Variants in BBS9 observed in about 807,000 individuals in gnomAD.
The protein encoded by BBS9 is Bardet-Biedl syndrome 9.
BBS9 carries 89 observed loss-of-function variants against 117.7 expected under a neutral mutation model. The observed-to-expected ratio is 0.76, with a 90% confidence interval of 0.64 to 0.90. BBS9 has a LOEUF of 0.90. Ranked by LOEUF, BBS9 falls within the 40% of genes least tolerant of loss-of-function variation. BBS9 has a pLI of 0.00. For synonymous variants in BBS9, 379 were observed against 370.9 expected (o/e 1.02, Z -0.25); for missense variants, 982 against 1,042.2 (o/e 0.94, Z 0.80).
intron 19 of BBS9, among the ~76,000 whole-genome samples, chr7:33,452,758 G>C (rs1431772149): frequency 6.6e-6 from 1 of 152,194 alleles, no homozygotes; most frequent in Non-Finnish European, 1.5e-5. Context: ...TGTAGCAACA[G>C]TGGGAAGTAA....
At chr7:33,499,215 CT>C (rs1409957047) in intron 19 of BBS9, among the ~76,000 whole-genome samples, 1 of 152,170 alleles carries the variant, frequency 6.6e-6, no homozygotes, top group Non-Finnish European at 1.5e-5. Flanking sequence ...TAGTTTAAAA[CT>C]TTTTGAATCA....
At chr7:33,574,455 A>G (rs1182283898) in intron 21 of BBS9, among the ~76,000 whole-genome samples, 1 of 152,098 alleles carries the variant, frequency 6.6e-6, no homozygotes, top group African/African-American at 2.4e-5. Context: ...GATGAGGCCC[A>G]GAGAAGCTAA....
At chr7:33,273,386 C>T (rs1257659424) in intron 8 of BBS9, among the ~76,000 whole-genome samples, 191 bp downstream of exon 8, 1 of 152,124 alleles carries the variant, frequency 6.6e-6, no homozygotes, top group Admixed American at 6.5e-5. Context: ...TTTTGTCAGT[C>T]ATTTTACTTT....
At chr7:33,347,841 AATGT>A (rs1311857452) in intron 12 of BBS9, among the ~76,000 whole-genome samples, 3 of 152,008 alleles carry the variant, frequency 2.0e-5, no homozygotes, top group African/African-American at 7.2e-5. Flanking sequence ...GAATTATGTT[AATGT>A]ATGTATCTGT....
intron 5 of BBS9, among the ~76,000 whole-genome samples, chr7:33,228,898 C>T (rs1487289820): frequency 1.3e-5 from 2 of 151,978 alleles, no homozygotes; most frequent in African/African-American, 4.8e-5. Flanking sequence ...TATAAGGGGA[C>T]CCACACAGTT....
At chr7:33,323,833 CTTTTTTTTTT>C (rs1227126451) in intron 9 of BBS9, among the ~76,000 whole-genome samples, 4 of 105,166 alleles carry the variant, frequency 3.8e-5, no homozygotes, top group African/African-American at 1.2e-4. Flanking sequence ...TCCTGTCTTC[CTTTTTTTTTT>C]TTTTTTTTTT....
intron 5 of BBS9, among the ~76,000 whole-genome samples, chr7:33,247,608 T>A (rs1038299328): frequency 6.6e-6 from 1 of 152,218 alleles, no homozygotes; most frequent in Non-Finnish European, 1.5e-5. Context: ...TTCCATAGCC[T>A]TTTAAATTAC....
At chr7:33,350,750 G>C (rs1367303699) in intron 13 of BBS9, among the ~76,000 whole-genome samples, 1 of 151,858 alleles carries the variant, frequency 6.6e-6, no homozygotes, top group Admixed American at 6.6e-5. Context: ...TTTTGTTTTT[G>C]TTTCTGTTTT....
chr7:33,601,671 A>C (rs1376984994), intron 21 of BBS9, among the ~76,000 whole-genome samples: 1 of 152,094 alleles, frequency 6.6e-6, no homozygotes, highest in Non-Finnish European at 1.5e-5. Flanking sequence ...TTACATGAGC[A>C]AGGCCAAAGA....
intron 4 of BBS9, among the ~76,000 whole-genome samples, chr7:33,161,010 G>C (rs1794756023): frequency 6.6e-6 from 1 of 152,144 alleles, no homozygotes; most frequent in African/African-American, 2.4e-5. Context: ...TGGCTCATCA[G>C]CTAGCAGAAA....
At chr7:33,203,879 C>T (rs112598342) in intron 5 of BBS9, among the ~76,000 whole-genome samples, 2,405 of 151,486 alleles carry the variant, frequency 0.016, 30 homozygotes, top group Non-Finnish European at 0.021. Context: ...TGTGACACCA[C>T]GCCCGTCTAA....
Position 33,277,333 on chromosome 7 carries a change from T to G in BBS9, c.1016+3377T>G, listed in dbSNP as rs115124379. Among the ~76,000 whole-genome samples, 1,141 of 152,262 alleles carry G rather than the reference T, an allele frequency of 7.5e-3. 19 individuals are homozygous for G. The highest frequency in any genetic ancestry group is 0.026 in the African/African-American group (1,090 of 41,524). ...TCATTCCCTAAGAAGAGCCCCATAT[T>G]TTTTATCTTGCCAACAAAGCACATC... On this transcript the variant is annotated intron_variant, in intron 9 of 22. Transcript: ENST00000242067.
At chr7:33,531,967 A>T (rs1011766506) in intron 20 of BBS9, among the ~76,000 whole-genome samples, 1 of 152,244 alleles carries the variant, frequency 6.6e-6, no homozygotes, top group Admixed American at 6.5e-5. Flanking sequence ...TCTGTGCAGC[A>T]AACATATTTC....
intron 19 of BBS9, among the ~76,000 whole-genome samples, chr7:33,489,577 AC>A (rs1017355716): frequency 2.6e-5 from 4 of 152,094 alleles, no homozygotes; most frequent in Non-Finnish European, 5.9e-5. Flanking sequence ...CTTCTGATAT[AC>A]CAGAAGTTTT....
intron 5 of BBS9, among the ~76,000 whole-genome samples, chr7:33,245,008 A>T (rs1283657733): frequency 6.6e-6 from 1 of 152,078 alleles, no homozygotes; most frequent in Non-Finnish European, 1.5e-5. Context: ...CTTGTTTTGT[A>T]TTGAAAAGAA....
intron 3 of BBS9, among the ~76,000 whole-genome samples, chr7:33,153,873 A>G (rs535827248): frequency 6.6e-6 from 1 of 152,356 alleles, no homozygotes; most frequent in South Asian, 2.1e-4. Context: ...TTAGGTTCCC[A>G]TCATGTGCCT....
At chr7:33,142,986 T>C (rs965069558) in intron 1 of BBS9, among the ~76,000 whole-genome samples, 3 of 152,124 alleles carry the variant, frequency 2.0e-5, no homozygotes, top group Admixed American at 2.0e-4. Context: ...TTTTTTTTTT[T>C]TGAGATGGAG....
rs554510381 is a variant in BBS9, at chr7:33,369,330, G to A, written c.1789+1468G>A. Among the ~76,000 whole-genome samples the A allele has an allele frequency of 3.9e-5, 6 of 152,190 alleles. No homozygotes were observed. In the South Asian group the frequency reaches 1.2e-3, roughly 32 times the overall value. ...ACCATTAAAAAAGGCAAAAATTTTT[G>A]CAAATGAATATATTTATATCCTAAT... On this transcript the variant is annotated intron_variant, in intron 17 of 22. Coordinates refer to ENST00000242067, the MANE Select transcript of BBS9 (RefSeq NM_198428.3).
At chr7:33,509,957 A>G (rs1222084525) in intron 20 of BBS9, among the ~76,000 whole-genome samples, 2 of 152,184 alleles carry the variant, frequency 1.3e-5, no homozygotes, top group Admixed American at 1.3e-4. Flanking sequence ...CCTCAATACT[A>G]TTTTGGGGCA....
Sources: gnomAD v4.1 joint callset for allele counts (sites outside exome capture counted in the v4.1 genomes callset) on GRCh38, gnomAD v4.1.1 for gene constraint, MANE v1.5 for transcripts, NCBI Gene and HGNC (gene_info 2026-07-23, HGNC 2026-07-21) for gene names.